Variants in TRAPPC9 observed in about 807,000 individuals in gnomAD.
TRAPPC9 encodes the protein trafficking protein particle complex subunit 9.
Under a neutral mutation model 124.0 loss-of-function variants are expected in TRAPPC9, and 83 were observed. That is an observed-to-expected ratio of 0.67 (90% CI 0.56 to 0.80). TRAPPC9 has a LOEUF of 0.80. TRAPPC9 is among the 30% of genes least tolerant of loss of function. The probability of loss-of-function intolerance (pLI) is 0.00; values close to 1 mark genes in which losing one functional copy is unlikely to be tolerated. For synonymous variants in TRAPPC9, 638 were observed against 617.5 expected (o/e 1.03, Z -0.49); for missense variants, 1,302 against 1,508.3 (o/e 0.86, Z 2.27).
intron 17 of TRAPPC9, among the ~76,000 whole-genome samples, chr8:140,061,386 T>C (rs137857055): frequency 3.3e-5 from 5 of 152,318 alleles, no homozygotes; most frequent in African/African-American, 4.8e-5. Context: ...ATACCTAATA[T>C]GTGCCAGATG....
chr8:139,771,747 G>C (rs1386846599), intron 21 of TRAPPC9, among the ~76,000 whole-genome samples: 2 of 152,212 alleles, frequency 1.3e-5, no homozygotes, highest in Non-Finnish European at 2.9e-5. Context: ...TGTGTGTGCA[G>C]ACAGCGCAGA....
intron 17 of TRAPPC9, among the ~76,000 whole-genome samples, chr8:140,024,709 ATGTGGGATGACAGGCG>A (rs1195264089): frequency 1.3e-5 from 2 of 150,720 alleles, no homozygotes; most frequent in African/African-American, 4.9e-5. Flanking sequence ...GATGACAGGC[ATGTGGGATGACAGGCG>A]TGTGGGATGA....
rs945101485 is a variant in TRAPPC9 at position 139,728,894 on chromosome 8, T to C, written c.*2167A>G. ...TTGCAGTTTGGGAAACTAAAAAATA[T>C]AGAAAACTGCAAGAAATAATTACAG... On this transcript the variant is annotated 3_prime_UTR_variant, in exon 23 of 23. Transcript: ENST00000438773. 6.6e-6 allele frequency among the ~76,000 whole-genome samples: 1 copy of C among 152,260 alleles called. No homozygotes were observed. Among genetic ancestry groups the C allele is most frequent in the Admixed American group, 6.5e-5 (1 of 15,286 alleles).
At chr8:140,311,129 G>A (rs2066284230) in intron 10 of TRAPPC9, 119 bp downstream of exon 10, 1 of 1,235,358 alleles carries the variant, frequency 8.1e-7, no homozygotes, top group Non-Finnish European at 1.1e-6. Flanking sequence ...ATGAGATAAT[G>A]AACCCGATAC....
chr8:140,229,063 T>C (rs1266190542), intron 16 of TRAPPC9, among the ~76,000 whole-genome samples: 1 of 151,964 alleles, frequency 6.6e-6, no homozygotes, highest in Non-Finnish European at 1.5e-5. Flanking sequence ...ATTTTTTGGC[T>C]AAAAACTAAG....
intron 17 of TRAPPC9, among the ~76,000 whole-genome samples, chr8:140,191,173 G>C (rs2062483945): frequency 6.6e-6 from 1 of 152,172 alleles, no homozygotes; most frequent in East Asian, 1.9e-4. Context: ...CTCTTATTGA[G>C]GGCCGACAAC....
intron 20 of TRAPPC9, among the ~76,000 whole-genome samples, chr8:139,897,027 C>T (rs556702403): frequency 1.3e-5 from 2 of 152,216 alleles, no homozygotes; most frequent in Admixed American, 6.5e-5. Context: ...GTCCCCTAAC[C>T]CATGCCCACT....
At chr8:140,125,587 CTTTT>C (rs11292333) in intron 17 of TRAPPC9, among the ~76,000 whole-genome samples, 13 of 67,820 alleles carry the variant, frequency 1.9e-4, no homozygotes, top group African/African-American at 6.1e-4. Flanking sequence ...GAATCTCATT[CTTTT>C]TTTTTTTTTT....
At position 140,257,553 on chromosome 8, in the gene TRAPPC9, C is replaced by A. The variant is rs1275293125; in HGVS notation, c.2279-4624G>T. 2.0e-5 allele frequency among the ~76,000 whole-genome samples: 3 copies of A among 152,198 alleles called. No individual in the cohort carries two copies. The highest frequency in any genetic ancestry group is 4.4e-5 in the Non-Finnish European group (3 of 68,042). On this transcript the variant is annotated intron_variant, in intron 15 of 22. Coordinates refer to ENST00000438773, the MANE Select transcript of TRAPPC9 (RefSeq NM_001160372.4). The surrounding 1 kb of genome is among the most constrained non-coding windows in gnomAD (Gnocchi z 4.6). ...ACAGGGGAGGGAGGAAAGAAGCACA[C>A]GTCCTTTCAGAAGTTGACATCTGGT...
chr8:139,886,089 CT>C, intron 20 of TRAPPC9, 120 bp from the exon 21 acceptor site: 1 of 924,478 alleles, frequency 1.1e-6, no homozygotes, highest in Non-Finnish European at 1.7e-6. Context: ...CTCCCCTCTT[CT>C]GAAGGGACTG....
At chr8:140,399,215 A>G (rs2069181751) in intron 6 of TRAPPC9, among the ~76,000 whole-genome samples, 1 of 152,254 alleles carries the variant, frequency 6.6e-6, no homozygotes, top group Non-Finnish European at 1.5e-5. Flanking sequence ...AACCTCTGCT[A>G]GGGCAGTGCA....
At chr8:140,228,577 G>C (rs2131360173) in intron 16 of TRAPPC9, among the ~76,000 whole-genome samples, 1 of 152,322 alleles carries the variant, frequency 6.6e-6, no homozygotes, top group African/African-American at 2.4e-5. Context: ...CTTTGAGATT[G>C]GTCTTCCTTC....
intron 9 of TRAPPC9, among the ~76,000 whole-genome samples, chr8:140,341,673 G>A (rs1165491250): frequency 1.3e-5 from 2 of 148,796 alleles, no homozygotes; most frequent in African/African-American, 2.5e-5. Context: ...TGTTATATAC[G>A]CATGGGAAAA....
At chr8:139,903,811 T>G (rs116203055) in intron 20 of TRAPPC9, among the ~76,000 whole-genome samples, 3,655 of 152,242 alleles carry the variant, frequency 0.024, 144 homozygotes, top group African/African-American at 0.082. Context: ...GAGGCCGAAG[T>G]GGGCAGATTA....
chr8:140,021,466 C>T (rs7832247), intron 18 of TRAPPC9, among the ~76,000 whole-genome samples: 41,131 of 151,222 alleles, frequency 0.27, 6,919 homozygotes, highest in African/African-American at 0.49. Context: ...TTTAAGTAGT[C>T]AATTAATCTT....
chr8:139,966,496 C>G (rs1017319394), intron 19 of TRAPPC9, among the ~76,000 whole-genome samples: 1 of 152,220 alleles, frequency 6.6e-6, no homozygotes, highest in Non-Finnish European at 1.5e-5. Context: ...GGTCCTTCTT[C>G]CAGAATAGCC....
At chr8:140,030,946 T>C (rs1020718933) in intron 17 of TRAPPC9, among the ~76,000 whole-genome samples, 1 of 152,174 alleles carries the variant, frequency 6.6e-6, no homozygotes, top group Admixed American at 6.5e-5. Context: ...ACATGGAGTA[T>C]ATATTTGTCA....
intron 17 of TRAPPC9, among the ~76,000 whole-genome samples, chr8:140,118,194 A>C (rs1227180328): frequency 2.6e-5 from 4 of 152,246 alleles, no homozygotes; most frequent in African/African-American, 9.6e-5. Flanking sequence ...GCAAGACCCC[A>C]GTGGGTACAG....
At chr8:140,440,885 A>G (rs1314915502) in intron 2 of TRAPPC9, among the ~76,000 whole-genome samples, 1 of 151,432 alleles carries the variant, frequency 6.6e-6, no homozygotes, top group African/African-American at 2.4e-5. Flanking sequence ...GCTCATCTCA[A>G]TGACCAGGTT....
Sources: allele counts gnomAD v4.1 joint callset (sites outside exome capture counted in the v4.1 genomes callset), GRCh38; gene constraint gnomAD v4.1.1; non-coding constraint Gnocchi (gnomAD v3.1); transcripts MANE v1.5; gene names NCBI Gene and HGNC (gene_info 2026-07-23, HGNC 2026-07-21).